CSMD1: variants seen among roughly 807,000 people sequenced by gnomAD.
The protein encoded by CSMD1 is CUB and sushi domain-containing protein 1.
In CSMD1, 213 loss-of-function variants were observed where a neutral mutation model predicts 417.5. The ratio of observed to expected loss-of-function variants is 0.51; its 90% CI spans 0.46 to 0.57. CSMD1 has a LOEUF of 0.57. Among genes scored for constraint, CSMD1 ranks in the 20% least tolerant of loss-of-function variants. The probability of loss-of-function intolerance (pLI) is 0.00; values close to 1 mark genes in which losing one functional copy is unlikely to be tolerated. For missense variants in CSMD1, 6,923 were observed against 4,529.7 expected (o/e 1.53, Z -15.17); for synonymous variants, 2,862 against 1,736.8 (o/e 1.65, Z -16.11).
At chr8:4,211,530 T>G (rs1297884853) in intron 3 of CSMD1, among the ~76,000 whole-genome samples, 2 of 152,342 alleles carry the variant, frequency 1.3e-5, no homozygotes, top group Non-Finnish European at 2.9e-5. Flanking sequence ...TTATCTTTTG[T>G]ATACTTTTGA....
intron 12 of CSMD1, among the ~76,000 whole-genome samples, chr8:3,413,219 A>C (rs1311748426): frequency 6.6e-6 from 1 of 152,210 alleles, no homozygotes; most frequent in African/African-American, 2.4e-5. Context: ...GTGATACTAA[A>C]GTTTACAATT....
At chr8:4,929,850 T>C (rs117824104) in intron 1 of CSMD1, among the ~76,000 whole-genome samples, 2,272 of 152,222 alleles carry the variant, frequency 0.015, 30 homozygotes, top group Non-Finnish European at 0.024. Flanking sequence ...CATTGGCAAA[T>C]TTAAGTTTTT....
chr8:4,582,715 C>G (rs1003475377), intron 2 of CSMD1, among the ~76,000 whole-genome samples: 3 of 152,228 alleles, frequency 2.0e-5, no homozygotes, highest in East Asian at 1.9e-4. Context: ...TGCCTGGGCT[C>G]CCACTTTGGT....
At chr8:3,849,772 T>C (rs759106274) in intron 5 of CSMD1, among the ~76,000 whole-genome samples, 25 of 152,114 alleles carry the variant, frequency 1.6e-4, no homozygotes, top group Admixed American at 3.9e-4. Context: ...TGAGAAATGA[T>C]ATGTTTTTAA....
chr8:3,005,159 A>G (rs1807773319), intron 52 of CSMD1, among the ~76,000 whole-genome samples: 1 of 152,070 alleles, frequency 6.6e-6, no homozygotes, highest in Admixed American at 6.6e-5. Context: ...AAAAACAATA[A>G]CAATAATACG....
chr8:4,621,984 T>A (rs1801805392), intron 2 of CSMD1, among the ~76,000 whole-genome samples: 3 of 151,948 alleles, frequency 2.0e-5, no homozygotes. Context: ...TACTTATTCA[T>A]AATAAAACCC....
chr8:3,439,154 C>CAAAAAAAAAAAAAAA lies in CSMD1; in HGVS notation c.1562-29550_1562-29549insTTTTTTTTTTTTTTT, dbSNP rs1563390150. On this transcript the variant is annotated intron_variant, in intron 12 of 69. Transcript: ENST00000635120. ...AAAAAAAAAAAAAAAAAAAAAAAAC[C>CAAAAAAAAAAAAAAA]AAGAAAAAAAAAAGAAAAAGAAAAA... Among the ~76,000 whole-genome samples, 142 of 26,576 alleles carry CAAAAAAAAAAAAAAA rather than the reference C, an allele frequency of 5.3e-3. 24 individuals carry two copies. Among genetic ancestry groups the CAAAAAAAAAAAAAAA allele is most frequent in the African/African-American group, 9.3e-3 (53 of 5,686 alleles). 17.4% of individuals were successfully genotyped at this position (26,576 alleles called of 152,430 possible). A position where few individuals can be genotyped will look rare whatever the true frequency, so the allele number is the denominator to read the frequency against.
intron 3 of CSMD1, among the ~76,000 whole-genome samples, chr8:4,064,822 C>A (rs1799161259): frequency 1.3e-5 from 2 of 152,006 alleles, no homozygotes; most frequent in Admixed American, 1.3e-4. Context: ...TTATTTATAT[C>A]TATATCATGT....
chr8:3,291,581 C>A (rs566888606), intron 25 of CSMD1, among the ~76,000 whole-genome samples: 1 of 152,100 alleles, frequency 6.6e-6, no homozygotes, highest in Non-Finnish European at 1.5e-5. Context: ...AGGAATTTAT[C>A]CATTTTTTCT....
In CSMD1 at chr8:2,972,163, C is replaced by T. The variant is rs113130076; in HGVS notation, c.8923+954G>A. Among the ~76,000 whole-genome samples the T allele has an allele frequency of 4.7e-3, 720 of 151,998 alleles. 3 individuals carry two copies. The highest frequency in any genetic ancestry group is 9.3e-3 in the South Asian group (45 of 4,822). On this transcript the variant is annotated intron_variant, in intron 57 of 69. Transcript: ENST00000635120. ...ATAATATAGATAGATCATATACATA[C>T]ATTATTTCTATTTACCTATATAGAA...
chr8:4,326,438 A>T (rs9314525), intron 3 of CSMD1, among the ~76,000 whole-genome samples: 35,868 of 152,062 alleles, frequency 0.24, 4,563 homozygotes, highest in South Asian at 0.38. Flanking sequence ...GCAGCTACTG[A>T]GCAAGAGGTA....
intron 2 of CSMD1, among the ~76,000 whole-genome samples, chr8:4,554,637 G>T (rs935913386): frequency 6.6e-6 from 1 of 152,130 alleles, no homozygotes; most frequent in Non-Finnish European, 1.5e-5. Flanking sequence ...TTATTGCTAA[G>T]TTGCCATAGG....
At chr8:4,257,224 C>G (rs1182622464) in intron 3 of CSMD1, among the ~76,000 whole-genome samples, 1 of 152,096 alleles carries the variant, frequency 6.6e-6, no homozygotes, top group Admixed American at 6.5e-5. Context: ...TTGAAAGAGA[C>G]TAATACTATT....
intron 1 of CSMD1, among the ~76,000 whole-genome samples, chr8:4,855,427 G>A (rs543231673): frequency 1.6e-3 from 250 of 152,266 alleles, no homozygotes; most frequent in African/African-American, 5.6e-3. Flanking sequence ...TGACTTTGAC[G>A]AGCTGAGAGA....
At chr8:3,997,500 A>G (rs1736102820) in intron 5 of CSMD1, among the ~76,000 whole-genome samples, 1 of 152,220 alleles carries the variant, frequency 6.6e-6, no homozygotes, top group African/African-American at 2.4e-5. Context: ...GAAAAAGGAA[A>G]GCACAATCAT....
At chr8:3,494,150 A>C (rs1796262542) in intron 10 of CSMD1, among the ~76,000 whole-genome samples, 1 of 152,216 alleles carries the variant, frequency 6.6e-6, no homozygotes, top group African/African-American at 2.4e-5. Context: ...TGCATACTTC[A>C]TGGAATTATC....
chr8:4,279,781 G>A (rs1041628452), intron 3 of CSMD1, among the ~76,000 whole-genome samples: 2 of 152,190 alleles, frequency 1.3e-5, no homozygotes, highest in Non-Finnish European at 2.9e-5. Flanking sequence ...AAGATATGGA[G>A]GAGGCCAGGA....
In CSMD1 at chr8:4,096,880, A is replaced by G. The variant is rs578111179; in HGVS notation, c.416-64781T>C. ...AGGATTCCTGCAAAGCCATCTTGCA[A>G]TTTTAAAGCTCTCAGTTGCCTCAGT... On this transcript the variant is annotated intron_variant, in intron 3 of 69. Transcript: ENST00000635120. Among the ~76,000 whole-genome samples, 8 of 152,250 alleles carry G rather than the reference A, an allele frequency of 5.3e-5. No individual in the cohort carries two copies. The South Asian group carries it at 1.4e-3, about 28-fold the overall frequency.
At chr8:4,368,921 C>G (rs749867559) in intron 3 of CSMD1, among the ~76,000 whole-genome samples, 2 of 151,960 alleles carry the variant, frequency 1.3e-5, no homozygotes, top group Non-Finnish European at 2.9e-5. Context: ...TTTTATTGAT[C>G]TCTTATATGG....
Sources: allele counts gnomAD v4.1 joint callset (sites outside exome capture counted in the v4.1 genomes callset), GRCh38; gene constraint gnomAD v4.1.1; transcripts MANE v1.5; gene names NCBI Gene and HGNC (gene_info 2026-07-23, HGNC 2026-07-21).